Variants in ARG2 observed in about 807,000 individuals in gnomAD.
ARG2 encodes arginase-2, mitochondrial.
ARG2 carries 21 observed loss-of-function variants against 39.4 expected under a neutral mutation model. The ratio of observed to expected loss-of-function variants is 0.53; its 90% CI spans 0.38 to 0.77. ARG2 has a LOEUF of 0.77. Among genes scored for constraint, ARG2 ranks in the 30% least tolerant of loss-of-function variants. The probability of loss-of-function intolerance (pLI) is 0.00; values close to 1 mark genes in which losing one functional copy is unlikely to be tolerated. For synonymous variants in ARG2, 150 were observed against 156.7 expected, an observed-to-expected ratio of 0.96 and a Z score of 0.32; for missense variants, 378 against 426.2, an observed-to-expected ratio of 0.89 and a Z score of 1.00.
At chr14:67,633,771 G>C (rs921178795) in intron 2 of ARG2, among the ~76,000 whole-genome samples, 1 of 152,224 alleles carries the variant, frequency 6.6e-6, no homozygotes, top group Admixed American at 6.5e-5. Context: ...TGCACTCTGG[G>C]TTCGGAGGAA....
At chr14:67,635,534 G>T (rs1051933703) in intron 2 of ARG2, among the ~76,000 whole-genome samples, 24 of 152,162 alleles carry the variant, frequency 1.6e-4, no homozygotes, top group Non-Finnish European at 8.8e-5. Flanking sequence ...CTTGTTCTAA[G>T]AATTAGCAGT....
rs1020058701 is a variant in ARG2 at position 67,630,587 on chromosome 14, T to A, written c.184+9621T>A. On this transcript the variant is annotated intron_variant, in intron 2 of 7. Coordinates refer to ENST00000261783, the MANE Select transcript of ARG2 (RefSeq NM_001172.4). ...TAAATATAGTTTTTATGTTTATTTA[T>A]TTATTTATTTTAGATGGAGTCTCGC... 2.6e-5 allele frequency among the ~76,000 whole-genome samples: 4 copies of A among 152,148 alleles called. No homozygotes were observed. The South Asian group carries it at 8.3e-4, about 32-fold the overall frequency.
intron 2 of ARG2, among the ~76,000 whole-genome samples, chr14:67,632,360 G>A (rs1019471875): frequency 9.2e-5 from 14 of 152,272 alleles, no homozygotes; most frequent in East Asian, 3.8e-4. Context: ...TCACCAATAC[G>A]TGGCAATGTT....
chr14:67,632,436 C>A (rs991341918), intron 2 of ARG2, among the ~76,000 whole-genome samples: 2 of 152,174 alleles, frequency 1.3e-5, no homozygotes, highest in African/African-American at 4.8e-5. Context: ...TGGACAGCAC[C>A]TTTGATCACA....
At chr14:67,639,588 G>C (rs2037008079) in intron 2 of ARG2, among the ~76,000 whole-genome samples, 1 of 152,064 alleles carries the variant, frequency 6.6e-6, no homozygotes, top group South Asian at 2.1e-4. Context: ...GATAAACATG[G>C]AGGTGAAAGT....
intron 2 of ARG2, among the ~76,000 whole-genome samples, chr14:67,626,110 C>T (rs893400354): frequency 6.6e-6 from 1 of 151,964 alleles, no homozygotes; most frequent in Non-Finnish European, 1.5e-5. Flanking sequence ...AAAAATTAGC[C>T]GGATGTGGTG....
intron 5 of ARG2, 49 bp from the exon 6 acceptor site, chr14:67,646,872 T>TA (rs773070918): frequency 2.8e-5 from 41 of 1,443,442 alleles, no homozygotes; most frequent in Non-Finnish European, 3.6e-5. Flanking sequence ...ACATATTTGT[T>TA]AAAAATGCTC....
At chr14:67,636,526 A>G (rs1317730893) in intron 2 of ARG2, among the ~76,000 whole-genome samples, 1 of 152,182 alleles carries the variant, frequency 6.6e-6, no homozygotes, top group Non-Finnish European at 1.5e-5. Context: ...TCAGGGATTT[A>G]CTCACTAGCC....
intron 2 of ARG2, among the ~76,000 whole-genome samples, chr14:67,631,093 T>C (rs2036913942): frequency 6.6e-6 from 1 of 152,166 alleles, no homozygotes; most frequent in African/African-American, 2.4e-5. Flanking sequence ...TCCTAACCTG[T>C]CCTTTCGGTA....
intron 2 of ARG2, among the ~76,000 whole-genome samples, chr14:67,628,035 C>T (rs1238144521): frequency 6.6e-6 from 1 of 152,170 alleles, no homozygotes; most frequent in Non-Finnish European, 1.5e-5. Context: ...CTGCTTTGGA[C>T]CTCATCTGTG....
chr14:67,626,429 G>C (rs958208599), intron 2 of ARG2, among the ~76,000 whole-genome samples: 1 of 152,206 alleles, frequency 6.6e-6, no homozygotes, highest in Non-Finnish European at 1.5e-5. Context: ...CAGTTTGGCA[G>C]ATCCTCAAAG....
At position 67,632,804 on chromosome 14, in the gene ARG2, C is replaced by T. The variant is rs898236615; in HGVS notation, c.185-9382C>T. 1.8e-4 allele frequency among the ~76,000 whole-genome samples: 23 copies of T among 126,402 alleles called. 1 individual carries two copies. Among genetic ancestry groups the T allele is most frequent in the Admixed American group, 1.8e-3 (21 of 11,580 alleles). 82.9% of individuals were successfully genotyped at this position (126,402 alleles called of 152,430 possible). ...ATTTTCAACAGGGAGAATTAAGCCT[C>T]TTAATTTTTTTTTTTTTTTTTTTTT... On this transcript the variant is annotated intron_variant, in intron 2 of 7. Transcript: ENST00000261783.
chr14:67,625,680 C>CAAAAAAAA (rs1176476000), intron 2 of ARG2, among the ~76,000 whole-genome samples: 6 of 32,028 alleles, frequency 1.9e-4, no homozygotes, highest in Admixed American at 3.6e-4. Flanking sequence ...AACTCCATCT[C>CAAAAAAAA]AAAAAAAAAA....
intron 2 of ARG2, among the ~76,000 whole-genome samples, chr14:67,636,300 C>G (rs555214824): frequency 6.6e-6 from 1 of 152,048 alleles, no homozygotes; most frequent in East Asian, 1.9e-4. Flanking sequence ...CAAAACCTTA[C>G]TCATCATGTA....
intron 6 of ARG2, 107 bp downstream of exon 6, chr14:67,647,132 AC>A: frequency 1.3e-6 from 1 of 749,122 alleles, no homozygotes; most frequent in East Asian, 2.6e-5. Context: ...GCAAAAACAT[AC>A]ACATAATTTT....
At chr14:67,631,552 T>C (rs1171630667) in intron 2 of ARG2, among the ~76,000 whole-genome samples, 1 of 151,392 alleles carries the variant, frequency 6.6e-6, no homozygotes, top group African/African-American at 2.4e-5. Flanking sequence ...CCTCCTACTT[T>C]AGCCTCCCAA....
rs745464169 is a variant in ARG2, at chr14:67,648,104, T to A, written c.780T>A (p.Ala260=). The stretch of plus-strand genomic sequence containing the variant: ...TTGATGCATTTGACCCTACACTGGC[T>A]CCAGCCACAGGAACTCCTGTTGTCG... The part of the protein sequence containing the change: ...FDIDAFDPTL[A]PATGTPVVGG... Residue 260 remains alanine, a synonymous_variant, in exon 7 of 8, where the codon GCT becomes GCA. Coordinates refer to ENST00000261783, the MANE Select transcript of ARG2 (RefSeq NM_001172.4). 1 of 1,613,846 alleles carries A rather than the reference T, an allele frequency of 6.2e-7. No homozygotes were observed. The highest frequency in any genetic ancestry group is 8.5e-7 in the Non-Finnish European group (1 of 1,179,908).
chr14:67,638,292 G>A (rs983598920), intron 2 of ARG2, among the ~76,000 whole-genome samples: 1 of 152,126 alleles, frequency 6.6e-6, no homozygotes, highest in Non-Finnish European at 1.5e-5. Context: ...AGAAGGCCAT[G>A]ATGGGAGCAT....
chr14:67,649,339 T>G (rs1323680575), intron 7 of ARG2: 3 of 152,088 alleles, frequency 2.0e-5, no homozygotes, highest in Non-Finnish European at 4.4e-5. Context: ...GTGGGCAACA[T>G]AGTGTGACCC....
Sources: gnomAD v4.1 joint callset for allele counts (sites outside exome capture counted in the v4.1 genomes callset) on GRCh38, gnomAD v4.1.1 for gene constraint, MANE v1.5 for transcripts, NCBI Gene and HGNC (gene_info 2026-07-23, HGNC 2026-07-21) for gene names.